Variants in HHLA2 observed in about 807,000 individuals in gnomAD.
HHLA2 encodes the protein HERV-H LTR-associating protein 2.
A neutral mutation model predicts 45.9 loss-of-function variants in HHLA2; 48 were observed. That is an observed-to-expected ratio of 1.05 (90% CI 0.83 to 1.33). The LOEUF (loss-of-function observed/expected upper bound fraction) is 1.33. Among genes scored for constraint, HHLA2 ranks in the 40% most tolerant of loss-of-function variants. The pLI is 0.00. For synonymous variants in HHLA2, 161 were observed against 173.9 expected (o/e 0.93, Z 0.59); for missense variants, 462 against 494.3 (o/e 0.93, Z 0.62).
intron 8 of HHLA2, among the ~76,000 whole-genome samples, chr3:108,373,652 G>A (rs373205555): frequency 2.0e-5 from 3 of 151,910 alleles, no homozygotes; most frequent in African/African-American, 4.8e-5. Context: ...AAATCAATGT[G>A]CAAAAATCAC....
chr3:108,342,600 T>C (rs1040592337), intron 3 of HHLA2, among the ~76,000 whole-genome samples: 1 of 152,174 alleles, frequency 6.6e-6, no homozygotes, highest in African/African-American at 2.4e-5. Context: ...ATCCCACTGG[T>C]GTGATCTTTC....
intron 7 of HHLA2, among the ~76,000 whole-genome samples, chr3:108,360,924 ATT>A (rs1202067774): frequency 6.6e-6 from 1 of 152,194 alleles, no homozygotes; most frequent in Admixed American, 6.5e-5. Flanking sequence ...AGAAAATTAC[ATT>A]TGTTATGTAA....
At chr3:108,332,323 T>C (rs1464677884) in intron 3 of HHLA2, among the ~76,000 whole-genome samples, 6 of 152,230 alleles carry the variant, frequency 3.9e-5, no homozygotes, top group Non-Finnish European at 7.3e-5. Flanking sequence ...AAAGGCATTA[T>C]TGTAAAATTC....
At chr3:108,359,642 A>G (rs1176148274) in intron 7 of HHLA2, among the ~76,000 whole-genome samples, 1 of 152,202 alleles carries the variant, frequency 6.6e-6, no homozygotes, top group East Asian at 1.9e-4. Context: ...ATATCCTTAC[A>G]GATGGGGGAA....
chr3:108,376,556 TG>T lies in HHLA2; in HGVS notation c.1224+1del, dbSNP rs2107523681. The T allele has an allele frequency of 1.9e-6, 3 of 1,611,810 alleles. No individual in the cohort carries two copies. Among genetic ancestry groups the T allele is most frequent in the Non-Finnish European group, 1.7e-6 (2 of 1,178,440 alleles). Reference sequence around the variant, plus strand: ...GCACCCGATAATGGCGAAGAAAATGTGGTAAGGCATTATTTCCTTTATCAAA... The same window carrying T: ...GCACCCGATAATGGCGAAGAAAATGTGTAAGGCATTATTTCCTTTATCAAA... On this transcript the variant is annotated frameshift_variant and splice_region_variant, in exon 10 of 11. Coordinates refer to ENST00000619531, the Ensembl canonical transcript of HHLA2. LOFTEE classifies it high-confidence loss of function.
chr3:108,321,945 T>C lies in HHLA2; in HGVS notation c.-104-6325T>C, dbSNP rs560486905. Among the ~76,000 whole-genome samples, 145 of 152,350 alleles carry C rather than the reference T, an allele frequency of 9.5e-4. 1 individual carries two copies. Among genetic ancestry groups the C allele is most frequent in the Non-Finnish European group, 1.6e-3 (112 of 68,034 alleles). On this transcript the variant is annotated intron_variant, in intron 2 of 10. Transcript: ENST00000619531. ...ATTTCTTATGCCATTCTGTTCCTTTTTTATGAATGTAACTTTTTCTTATCT... is the reference window on the plus strand; with the variant it reads ...ATTTCTTATGCCATTCTGTTCCTTTCTTATGAATGTAACTTTTTCTTATCT...
chr3:108,299,491 T>A lies in HHLA2; in HGVS notation c.-192+2892T>A, dbSNP rs544774568. Among the ~76,000 whole-genome samples, 10 of 151,960 alleles carry A rather than the reference T, an allele frequency of 6.6e-5. No homozygotes were observed. In the South Asian group the frequency reaches 1.9e-3, roughly 28 times the overall value. ...GGGAGGAGAGAAAGGTGAGGAGTAG[T>A]CAGATTATGAAGAATTCCGTCAGAG... On this transcript the variant is annotated intron_variant, in intron 1 of 10. Transcript: ENST00000619531.
chr3:108,350,719 G>C (rs968775135), intron 3 of HHLA2, among the ~76,000 whole-genome samples: 1 of 151,926 alleles, frequency 6.6e-6, no homozygotes, highest in African/African-American at 2.4e-5. Context: ...GAGTCTCACT[G>C]TCTTGCCCAG....
At chr3:108,323,864 C>T (rs942780477) in intron 2 of HHLA2, among the ~76,000 whole-genome samples, 1 of 152,134 alleles carries the variant, frequency 6.6e-6, no homozygotes, top group African/African-American at 2.4e-5. Context: ...ATCTCCACTC[C>T]ACTTATGTAA....
chr3:108,364,051 G>A (rs1384148431), intron 8 of HHLA2, among the ~76,000 whole-genome samples: 1 of 151,164 alleles, frequency 6.6e-6, no homozygotes, highest in Non-Finnish European at 1.5e-5. Context: ...AGGTATACAT[G>A]TGCCCTGGTG....
intron 6 of HHLA2, among the ~76,000 whole-genome samples, chr3:108,356,029 CT>C (rs3053487): frequency 2.4e-4 from 28 of 118,204 alleles, no homozygotes; most frequent in Middle Eastern, 5.4e-3. Flanking sequence ...ATTTGTTTTC[CT>C]TTTTTTTTTT....
intron 2 of HHLA2, among the ~76,000 whole-genome samples, chr3:108,315,797 TC>T (rs1205993879): frequency 6.6e-6 from 1 of 152,232 alleles, no homozygotes; most frequent in Non-Finnish European, 1.5e-5. Context: ...CCTTGCGTTT[TC>T]TTTTATCTTG....
chr3:108,359,327 C>G (rs1302972073), intron 7 of HHLA2, among the ~76,000 whole-genome samples: 2 of 152,164 alleles, frequency 1.3e-5, no homozygotes, highest in East Asian at 3.9e-4. Flanking sequence ...CTCTCATTCT[C>G]AAATAAATGT....
chr3:108,300,864 A>T (rs937409604), intron 1 of HHLA2, among the ~76,000 whole-genome samples: 5 of 152,204 alleles, frequency 3.3e-5, no homozygotes, highest in African/African-American at 1.2e-4. Flanking sequence ...TAATGCTGTC[A>T]TATTTATCTA....
intron 2 of HHLA2, among the ~76,000 whole-genome samples, chr3:108,321,799 T>C (rs1466974080): frequency 2.0e-5 from 3 of 152,116 alleles, no homozygotes; most frequent in Non-Finnish European, 4.4e-5. Context: ...TAAAAATCTT[T>C]TTTGCTTATT....
chr3:108,315,175 C>G (rs1397461535), intron 2 of HHLA2, among the ~76,000 whole-genome samples: 1 of 152,218 alleles, frequency 6.6e-6, no homozygotes, highest in Non-Finnish European at 1.5e-5. Context: ...GGTGCATCCT[C>G]TTGCCTCTCT....
chr3:108,313,561 G>A (rs2081055007), intron 2 of HHLA2, among the ~76,000 whole-genome samples: 1 of 152,142 alleles, frequency 6.6e-6, no homozygotes, highest in African/African-American at 2.4e-5. Context: ...CTCAATCTCT[G>A]CTTCAGAGCT....
intron 6 of HHLA2, among the ~76,000 whole-genome samples, chr3:108,356,706 G>A (rs554946902): frequency 1.3e-5 from 2 of 152,274 alleles, no homozygotes; most frequent in South Asian, 2.1e-4. Flanking sequence ...AAGCTATTAC[G>A]TGCCAAGTTT....
intron 8 of HHLA2, among the ~76,000 whole-genome samples, chr3:108,369,351 T>C (rs1156879383): frequency 6.6e-6 from 1 of 151,974 alleles, no homozygotes; most frequent in African/African-American, 2.4e-5. Context: ...GATGGCCGAA[T>C]AGGAACAGCT....
Sources: allele counts gnomAD v4.1 joint callset (sites outside exome capture counted in the v4.1 genomes callset), GRCh38; gene constraint gnomAD v4.1.1; transcripts MANE v1.5; gene names NCBI Gene and HGNC (gene_info 2026-07-23, HGNC 2026-07-21).